The following DLC1 variants were observed in gnomAD, a reference collection of about 807,000 sequenced individuals.
The protein encoded by DLC1 is rho GTPase-activating protein 7.
In DLC1, 54 loss-of-function variants were observed where a neutral mutation model predicts 140.3. The observed-to-expected ratio is 0.38, with a 90% CI of 0.31 to 0.48. DLC1 has a LOEUF of 0.48. Ranked by LOEUF, DLC1 falls within the 20% of genes least tolerant of loss-of-function variation. The probability of loss-of-function intolerance (pLI) is 0.96; values close to 1 mark genes in which losing one functional copy is unlikely to be tolerated. For synonymous variants in DLC1, 986 were observed against 728.1 expected, an observed-to-expected ratio of 1.35 and a Z score of -5.70; for missense variants, 2,536 against 1,907.0, an observed-to-expected ratio of 1.33 and a Z score of -6.14.
chr8:13,392,251 C>A (rs769523330), intron 4 of DLC1, among the ~76,000 whole-genome samples: 1 of 152,248 alleles, frequency 6.6e-6, no homozygotes, highest in Non-Finnish European at 1.5e-5. Flanking sequence ...CCTCCTTTTG[C>A]TGGAATGTAA....
At chr8:13,538,447 G>A (rs1803369607) in intron 1 of DLC1, among the ~76,000 whole-genome samples, 1 of 151,948 alleles carries the variant, frequency 6.6e-6, no homozygotes, top group Non-Finnish European at 1.5e-5. Flanking sequence ...CAACAGCTGT[G>A]CGCTCCTCCT....
At chr8:13,243,675 A>G (rs1482588773) in intron 5 of DLC1, among the ~76,000 whole-genome samples, 1 of 152,184 alleles carries the variant, frequency 6.6e-6, no homozygotes, top group Non-Finnish European at 1.5e-5. Context: ...TGTCATCAGT[A>G]TTTGAGTTCC....
At chr8:13,285,782 C>G (rs1415574537) in intron 5 of DLC1, among the ~76,000 whole-genome samples, 1 of 152,086 alleles carries the variant, frequency 6.6e-6, no homozygotes, top group Admixed American at 6.5e-5. Context: ...ATGAATTCCA[C>G]TCCTAGGAAT....
At chr8:13,403,140 C>T (rs571468254) in intron 2 of DLC1, among the ~76,000 whole-genome samples, 1 of 152,196 alleles carries the variant, frequency 6.6e-6, no homozygotes, top group Admixed American at 6.5e-5. Context: ...ATGCTAATTC[C>T]TTCAGAATAC....
chr8:13,552,675 A>G (rs1364371280), intron 1 of DLC1, among the ~76,000 whole-genome samples: 1 of 151,704 alleles, frequency 6.6e-6, no homozygotes, highest in East Asian at 1.9e-4. Context: ...GGAATAAGAG[A>G]AAAGCAACAA....
chr8:13,279,135 A>G (rs575924530), intron 5 of DLC1, among the ~76,000 whole-genome samples: 76 of 152,326 alleles, frequency 5.0e-4, no homozygotes, highest in Middle Eastern at 3.4e-3. Flanking sequence ...AATAACGAAC[A>G]GGACCTAGGG....
upstream of DLC1, among the ~76,000 whole-genome samples, chr8:13,519,260 T>C (rs565810383): frequency 6.6e-5 from 10 of 151,336 alleles, no homozygotes; most frequent in South Asian, 1.9e-3. Context: ...CCCAAGTAGC[T>C]GGGACTACTG....
chr8:13,169,849 A>G (rs1267881105), intron 5 of DLC1, among the ~76,000 whole-genome samples: 1 of 147,306 alleles, frequency 6.8e-6, no homozygotes, highest in Non-Finnish European at 1.5e-5. Context: ...ACATAGAAAT[A>G]CCTCATCTAA....
At chr8:13,377,609 T>C (rs1231986032) in intron 4 of DLC1, among the ~76,000 whole-genome samples, 1 of 152,190 alleles carries the variant, frequency 6.6e-6, no homozygotes, top group African/African-American at 2.4e-5. Context: ...CCCTTATCTA[T>C]ACTTTCCTGT....
intron 5 of DLC1, among the ~76,000 whole-genome samples, chr8:13,290,596 TTAA>T (rs1008986354): frequency 3.9e-5 from 6 of 152,072 alleles, no homozygotes; most frequent in African/African-American, 1.4e-4. Context: ...GAAAAATGTC[TTAA>T]TAATAATAAT....
At position 13,248,090 on chromosome 8, in the gene DLC1, TCA is replaced by T. The variant is rs1829840650; in HGVS notation, c.1348+57177_1348+57178del. 1.3e-5 allele frequency among the ~76,000 whole-genome samples: 2 copies of T among 152,224 alleles called. 1 individual carries two copies. The highest frequency in any genetic ancestry group is 1.3e-4 in the Admixed American group (2 of 15,280). On this transcript the variant is annotated intron_variant, in intron 5 of 17. Coordinates refer to ENST00000276297, the MANE Select transcript of DLC1 (RefSeq NM_182643.3). ...GCAGGCACCTGGTTAGTCTCAGTCC[TCA>T]GTGTGCTTTTGCACAGGGAAGCTGC...
At chr8:13,410,958 C>G (rs762945225) in intron 2 of DLC1, among the ~76,000 whole-genome samples, 4 of 152,196 alleles carry the variant, frequency 2.6e-5, no homozygotes, top group Non-Finnish European at 5.9e-5. Context: ...ATGAAACCCT[C>G]ATGGGTTTTA....
At chr8:13,221,726 GTA>G (rs377039517) in intron 5 of DLC1, among the ~76,000 whole-genome samples, 8,866 of 132,356 alleles carry the variant, frequency 0.067, 391 homozygotes, top group South Asian at 0.097. Context: ...GTGTGTGTGT[GTA>G]TATATATATA....
chr8:13,297,559 A>G (rs1011873743), intron 5 of DLC1, among the ~76,000 whole-genome samples: 7 of 152,254 alleles, frequency 4.6e-5, no homozygotes, highest in East Asian at 1.9e-4. Flanking sequence ...GATTTTTACA[A>G]TAATACCAGG....
chr8:13,136,107 G>C (rs188240681), intron 5 of DLC1, among the ~76,000 whole-genome samples: 2 of 152,314 alleles, frequency 1.3e-5, no homozygotes, highest in South Asian at 4.1e-4. Context: ...AAGCTGCTAC[G>C]CTTAAGAGAA....
rs74408470 is a variant in DLC1, at chr8:13,145,030, A to G, written c.1349-29373T>C. The stretch of plus-strand genomic sequence containing the variant: ...AAATGCAATAAATTAAAAATCAAAA[A>G]CAAAAGTATTTATAAATTATAAATA... On this transcript the variant is annotated intron_variant, in intron 5 of 17. Coordinates refer to ENST00000276297, the MANE Select transcript of DLC1 (RefSeq NM_182643.3). Among the ~76,000 whole-genome samples, 1,465 of 152,292 alleles carry G rather than the reference A, an allele frequency of 9.6e-3. 17 individuals are homozygous for G. Among genetic ancestry groups the G allele is most frequent in the African/African-American group, 0.033 (1,355 of 41,564 alleles).
intron 2 of DLC1, among the ~76,000 whole-genome samples, chr8:13,478,894 A>G (rs562986444): frequency 5.5e-4 from 83 of 152,280 alleles, no homozygotes; most frequent in African/African-American, 1.9e-3. Flanking sequence ...CTCCCACAAA[A>G]ACTTGCCTAA....
Position 13,294,915 on chromosome 8 carries a change from G to A in DLC1, c.1348+10354C>T, listed in dbSNP as rs569430753. On this transcript the variant is annotated intron_variant, in intron 5 of 17. Transcript: ENST00000276297. Reference sequence around the variant, plus strand: ...TCATAGGGTCGCTAGGGGATTAATTGAGTTTATGTCTATAAAGTGCTTGGA... The same window carrying A: ...TCATAGGGTCGCTAGGGGATTAATTAAGTTTATGTCTATAAAGTGCTTGGA... 1.2e-4 allele frequency among the ~76,000 whole-genome samples: 18 copies of A among 152,282 alleles called. No homozygotes were observed. In the South Asian group the frequency reaches 1.7e-3, roughly 14 times the overall value.
rs1368938096 is a variant in DLC1, at chr8:13,453,447, TAC to T, written c.1023+45600_1023+45601del. Among the ~76,000 whole-genome samples, 63 of 34,442 alleles carry T rather than the reference TAC, an allele frequency of 1.8e-3. 1 individual carries two copies. Among genetic ancestry groups the T allele is most frequent in the Admixed American group, 4.9e-3 (14 of 2,878 alleles). 22.6% of individuals were successfully genotyped at this position (34,442 alleles called of 152,430 possible). A position where few individuals can be genotyped will look rare whatever the true frequency, so the allele number is the denominator to read the frequency against. On this transcript the variant is annotated intron_variant, in intron 2 of 17. Coordinates refer to ENST00000276297, the MANE Select transcript of DLC1 (RefSeq NM_182643.3). ...ATGTGTATATATATATGTATATATA[TAC>T]ATATATATATGTATATATATACATA... is the stretch of plus-strand genomic sequence containing the variant.
Sources: allele counts gnomAD v4.1 joint callset (sites outside exome capture counted in the v4.1 genomes callset), GRCh38; gene constraint gnomAD v4.1.1; transcripts MANE v1.5; gene names NCBI Gene and HGNC (gene_info 2026-07-23, HGNC 2026-07-21).